Variants in CFAP43 observed in about 807,000 individuals in gnomAD.
CFAP43 encodes cilia and flagella associated protein 43.
A neutral mutation model predicts 218.9 loss-of-function variants in CFAP43; 155 were observed. The ratio of observed to expected loss-of-function variants is 0.71; its 90% CI spans 0.62 to 0.81. The LOEUF (loss-of-function observed/expected upper bound fraction) is 0.81, where lower values mean the gene tolerates loss of function less well. Ranked by LOEUF, CFAP43 falls within the 30% of genes least tolerant of loss-of-function variation. The pLI is 0.00. For missense variants in CFAP43, 1,778 were observed against 1,954.3 expected (o/e 0.91, Z 1.70); for synonymous variants, 645 against 681.3 (o/e 0.95, Z 0.83).
rs916420103 is a variant in CFAP43 at position 104,152,702 on chromosome 10, G to A, written c.3565C>T (p.Leu1189Phe). Residue 1189 changes from leucine (L) to phenylalanine (F), a missense_variant, in exon 28 of 38, where the codon CTT (leucine) becomes TTT (phenylalanine). Physicochemically the swap from Leu to Phe is conservative, Grantham distance 22. Transcript: ENST00000357060. ...GTGCTTTCTTGAATAGAGTTTTGAA[G>A]TTTCTTCAGTTCTGCTTCTAATGAC... ...RKSLEAELKK[L>F]QNSIQESTQA... The A allele has an allele frequency of 6.8e-6, 11 of 1,612,070 alleles. No homozygotes were observed. Among genetic ancestry groups the A allele is most frequent in the Admixed American group, 1.7e-5 (1 of 59,508 alleles).
chr10:104,136,126 T>G (rs1220861323), intron 34 of CFAP43, among the ~76,000 whole-genome samples: 1 of 151,362 alleles, frequency 6.6e-6, no homozygotes, highest in African/African-American at 2.4e-5. Context: ...GGTGGGCGCC[T>G]GTAAATCCCA....
intron 27 of CFAP43, among the ~76,000 whole-genome samples, chr10:104,153,365 C>T (rs1244047497): frequency 2.9e-4 from 44 of 152,066 alleles, no homozygotes; most frequent in Non-Finnish European, 1.5e-5. Flanking sequence ...TGACTATAGT[C>T]AACAATCACT....
chr10:104,166,297 C>T (rs1238421063), intron 23 of CFAP43, among the ~76,000 whole-genome samples, 191 bp downstream of exon 23: 1 of 152,140 alleles, frequency 6.6e-6, no homozygotes, highest in Non-Finnish European at 1.5e-5. Context: ...TGGTCTCGAT[C>T]TCTTGACCTC....
intron 4 of CFAP43, among the ~76,000 whole-genome samples, chr10:104,213,027 A>G (rs1421495348): frequency 6.6e-6 from 1 of 152,232 alleles, no homozygotes; most frequent in Non-Finnish European, 1.5e-5. Flanking sequence ...AGGCAAAGGG[A>G]GAAAAGGGTG....
At chr10:104,158,837 A>G (rs1215533229) in intron 27 of CFAP43, among the ~76,000 whole-genome samples, 8 of 152,142 alleles carry the variant, frequency 5.3e-5, no homozygotes, top group Admixed American at 5.2e-4. Flanking sequence ...GTCTCCAACT[A>G]TTCAGGAGAA....
rs1589771114 is a variant in CFAP43 at position 104,203,761 on chromosome 10, T to C, written c.1006A>G (p.Met336Val). 6.2e-7 allele frequency: 1 copy of C among 1,610,166 alleles called. No individual in the cohort carries two copies. The highest frequency in any genetic ancestry group is 1.1e-5 in the South Asian group (1 of 89,892). ...YSFIIKDRSY[M>V]IEDFLEIERP... ...TCAATCTCAAGAAAATCCTCGATCA[T>C]GTAACTTCTATCTTTAATAATAAAA... Residue 336 changes from methionine (M) to valine (V), a missense_variant, in exon 8 of 38, where the codon ATG (methionine) becomes GTG (valine). Transcript: ENST00000357060.
chr10:104,226,742 G>A (rs916091355), intron 2 of CFAP43, among the ~76,000 whole-genome samples: 17 of 151,938 alleles, frequency 1.1e-4, no homozygotes, highest in East Asian at 9.6e-4. Context: ...ATATGAGGCC[G>A]GGCGAGATGG....
rs749831227 is a variant in CFAP43 at position 104,161,030 on chromosome 10, T to C, written c.3540+7A>G. ...GGTAGGTTATATTAATTATTTGCTC[T>C]TCTGACCTTTCTATACTTATCTCTT... On this transcript the variant is annotated splice_region_variant and intron_variant, in intron 27 of 37. Transcript: ENST00000357060. The C allele has an allele frequency of 4.4e-6, 7 of 1,599,698 alleles. No individual in the cohort carries two copies. Among genetic ancestry groups the C allele is most frequent in the Non-Finnish European group, 6.0e-6 (7 of 1,169,108 alleles).
At chr10:104,154,272 C>T (rs1443962352) in intron 27 of CFAP43, among the ~76,000 whole-genome samples, 1 of 151,984 alleles carries the variant, frequency 6.6e-6, no homozygotes, top group Non-Finnish European at 1.5e-5. Context: ...TAAATATACA[C>T]CAGTTTAAAA....
intron 10 of CFAP43, among the ~76,000 whole-genome samples, chr10:104,194,418 T>C (rs1019884298): frequency 4.6e-5 from 7 of 152,202 alleles, no homozygotes; most frequent in African/African-American, 1.7e-4. Context: ...TTTTAAATTT[T>C]TATTTATTTA....
intron 24 of CFAP43, among the ~76,000 whole-genome samples, chr10:104,163,362 T>A (rs1426004306): frequency 6.6e-6 from 1 of 152,214 alleles, no homozygotes; most frequent in Non-Finnish European, 1.5e-5. Context: ...TTAAAATATT[T>A]TCTATTACTT....
At chr10:104,160,068 G>A (rs1023402015) in intron 27 of CFAP43, among the ~76,000 whole-genome samples, 1 of 152,180 alleles carries the variant, frequency 6.6e-6, no homozygotes, top group Non-Finnish European at 1.5e-5. Flanking sequence ...TGCAGAGAAG[G>A]CAGAGTATCA....
intron 5 of CFAP43, among the ~76,000 whole-genome samples, chr10:104,209,260 A>T (rs1268618574): frequency 6.6e-6 from 1 of 152,226 alleles, no homozygotes; most frequent in Non-Finnish European, 1.5e-5. Flanking sequence ...TGAAAAAGTA[A>T]ACTACTGGGA....
chr10:104,158,605 A>T (rs1057163775), intron 27 of CFAP43, among the ~76,000 whole-genome samples: 1 of 152,226 alleles, frequency 6.6e-6, no homozygotes, highest in Non-Finnish European at 1.5e-5. Flanking sequence ...AACATTACAA[A>T]CTAAGTGAAA....
intron 37 of CFAP43, among the ~76,000 whole-genome samples, chr10:104,130,998 C>CAAAAAAAAAAAAA: frequency 1.8e-5 from 1 of 56,704 alleles, no homozygotes; most frequent in Middle Eastern, 0.012. Flanking sequence ...CACCCTGTCT[C>CAAAAAAAAAAAAA]AAAAAAAAAA....
Position 104,166,654 on chromosome 10 carries a change from T to A in CFAP43, c.2873A>T (p.Asp958Val), listed in dbSNP as rs751728376. Residue 958 changes from aspartate to valine, a missense_variant, in exon 23 of 38, where the codon GAT becomes GTT. Around this residue, in one of 3 missense-constraint regions of CFAP43, gnomAD observed 1,553 missense variants for 1,685.2 expected, o/e 0.92. Coordinates refer to ENST00000357060, the MANE Select transcript of CFAP43 (RefSeq NM_025145.7). Reference protein sequence around the residue: ...VKLIKQRHEEDDEEEEEEDKT... With the variant: ...VKLIKQRHEEVDEEEEEEDKT... ...GTCTTCCTCTTCCTCTTCTTCATCA[T>A]CCTCTTCATGACGCTGTTTAATCAA... 10 of 1,614,134 alleles carry A rather than the reference T, an allele frequency of 6.2e-6. No individual in the cohort carries two copies. The South Asian group carries it at 9.9e-5, about 16-fold the overall frequency.
intron 27 of CFAP43, among the ~76,000 whole-genome samples, chr10:104,153,689 G>C (rs1012978120): frequency 2.0e-5 from 3 of 152,054 alleles, no homozygotes; most frequent in Admixed American, 2.0e-4. Context: ...TGCAAGAATA[G>C]TACAAAGAAT....
chr10:104,187,328 G>A lies in CFAP43; in HGVS notation c.1852C>T (p.Pro618Ser). Residue 618 changes from proline (P) to serine (S), a missense_variant, in exon 14 of 38, where the codon CCT (proline) becomes TCT (serine). Around this residue, in one of 3 missense-constraint regions of CFAP43, gnomAD observed 1,553 missense variants for 1,685.2 expected, o/e 0.92. Transcript: ENST00000357060. ...QVPYICSYLL[P>S]EEEHTGIYIL... is the part of the protein sequence containing the mutation. ...CTTAAGTGTTGACATACTTCTTCAG[G>A]AAGAAGGTAGCTACAGATGTATGGC... The A allele has an allele frequency of 6.3e-7, 1 of 1,591,434 alleles. No individual in the cohort carries two copies. Among genetic ancestry groups the A allele is most frequent in the Non-Finnish European group, 8.5e-7 (1 of 1,173,598 alleles).
chr10:104,161,949 C>A lies in CFAP43; in HGVS notation c.3414+12G>T. The A allele has an allele frequency of 6.2e-7, 1 of 1,610,610 alleles. No homozygotes were observed. Among genetic ancestry groups the A allele is most frequent in the Middle Eastern group, 1.7e-4 (1 of 6,048 alleles). ...CCATTCCACCTTCTATAAGGATGAA[C>A]AGAAATATCACCATTCTCAAAATAT... On this transcript the variant is annotated intron_variant, in intron 26 of 37. Transcript: ENST00000357060.
Sources: allele counts gnomAD v4.1 joint callset (sites outside exome capture counted in the v4.1 genomes callset), GRCh38; gene constraint gnomAD v4.1.1; regional missense constraint gnomAD v4.1.1; transcripts MANE v1.5; gene names NCBI Gene and HGNC (gene_info 2026-07-23, HGNC 2026-07-21).